BMS1: variants seen among roughly 807,000 people sequenced by gnomAD.
BMS1 encodes ribosome biogenesis protein BMS1 homolog.
Under a neutral mutation model 138.7 loss-of-function variants are expected in BMS1, and 53 were observed. The observed-to-expected ratio is 0.38, with a 90% CI of 0.31 to 0.48. The LOEUF (loss-of-function observed/expected upper bound fraction) is 0.48, where lower values mean the gene tolerates loss of function less well. Among genes scored for constraint, BMS1 ranks in the 20% least tolerant of loss-of-function variants. The pLI is 0.97. For synonymous variants in BMS1, 504 were observed against 539.9 expected (o/e 0.93, Z 0.92); for missense variants, 1,360 against 1,565.5 (o/e 0.87, Z 2.22).
chr10:42,798,326 T>C, intron 11 of BMS1, 142 bp from the exon 12 acceptor site: 3 of 972,850 alleles, frequency 3.1e-6, no homozygotes, highest in Non-Finnish European at 3.0e-6. Flanking sequence ...GCCTAACTCT[T>C]ATGTGGCCAT....
rs1430619830 is a variant in BMS1, at chr10:42,784,403, T to C, written c.9T>C (p.Ala3=). 6.2e-7 allele frequency: 1 copy of C among 1,606,004 alleles called. No individual in the cohort carries two copies. Among genetic ancestry groups the C allele is most frequent in the African/African-American group, 1.3e-5 (1 of 74,690 alleles). The change falls in exon 2 of 23, where the codon GCT becomes GCC. Residue 3 remains alanine, a synonymous_variant. Transcript: ENST00000374518. ...ATTGGTAAATAGCCACTATGGAGGC[T>C]AAGGACCAGAAGAAACACAGAAAGA... ME[A]KDQKKHRKKN...
chr10:42,799,339 G>C (rs974232419), intron 12 of BMS1, among the ~76,000 whole-genome samples: 11 of 152,160 alleles, frequency 7.2e-5, no homozygotes, highest in Non-Finnish European at 1.5e-4. Flanking sequence ...CTCTGGGTTC[G>C]AATGATCTTC....
intron 15 of BMS1, among the ~76,000 whole-genome samples, chr10:42,817,839 C>G (rs1842393171): frequency 1.3e-5 from 2 of 152,336 alleles, no homozygotes; most frequent in African/African-American, 4.8e-5. Flanking sequence ...GCGGCCTATT[C>G]CAATCGCTGC....
At chr10:42,801,920 T>C (rs1032471417) in intron 12 of BMS1, among the ~76,000 whole-genome samples, 1 of 152,216 alleles carries the variant, frequency 6.6e-6, no homozygotes, top group East Asian at 1.9e-4. Context: ...AGAGTAGTAG[T>C]ATTTAATACT....
At chr10:42,816,266 T>C (rs1842344727) in intron 13 of BMS1, among the ~76,000 whole-genome samples, 1 of 152,134 alleles carries the variant, frequency 6.6e-6, no homozygotes, top group African/African-American at 2.4e-5. Context: ...GCCACTGCAC[T>C]CCAGCTTGGG....
intron 15 of BMS1, 118 bp from the exon 16 acceptor site, chr10:42,820,118 A>C (rs1432958068): frequency 7.6e-7 from 1 of 1,312,592 alleles, no homozygotes; most frequent in African/African-American, 1.5e-5. Flanking sequence ...TAATAGGGTA[A>C]AGCCTACATA....
chr10:42,817,124 G>A (rs1842372074), intron 14 of BMS1, among the ~76,000 whole-genome samples, 194 bp from the exon 15 acceptor site: 1 of 152,202 alleles, frequency 6.6e-6, no homozygotes, highest in African/African-American at 2.4e-5. Context: ...TAATTGTAAT[G>A]CAGATGTAAC....
intron 11 of BMS1, 130 bp downstream of exon 11, chr10:42,797,653 A>G: frequency 1.2e-6 from 1 of 843,784 alleles, no homozygotes; most frequent in South Asian, 1.6e-5. Flanking sequence ...CATATTTGAC[A>G]GATGTCTCTA....
intron 13 of BMS1, among the ~76,000 whole-genome samples, chr10:42,812,135 T>G (rs1213947918): frequency 6.6e-6 from 1 of 152,206 alleles, no homozygotes; most frequent in Non-Finnish European, 1.5e-5. Context: ...GGCTCACTGT[T>G]CAGATCTTTT....
intron 11 of BMS1, 123 bp from the exon 12 acceptor site, chr10:42,798,345 C>G (rs778746119): frequency 6.6e-5 from 81 of 1,223,120 alleles, no homozygotes; most frequent in Non-Finnish European, 9.2e-5. Context: ...ATTGCCATAC[C>G]CACCACAGAC....
At position 42,793,863 on chromosome 10, in the gene BMS1, G is replaced by A; in HGVS notation, c.1101G>A (p.Gly367=). The A allele has an allele frequency of 6.2e-7, 1 of 1,611,366 alleles. No individual in the cohort carries two copies. The highest frequency in any genetic ancestry group is 1.1e-5 in the South Asian group (1 of 90,878). Residue 367 remains glycine (G), a synonymous_variant, in exon 9 of 23, where the codon GGG becomes GGA. Coordinates refer to ENST00000374518, the MANE Select transcript of BMS1 (RefSeq NM_014753.4). ...GGSHVFQDEV[G]PTHELVQSLI... is the part of the protein sequence containing the mutation. The stretch of plus-strand genomic sequence containing the variant: ...GGTGGTCTTGACAGGATGAAGTGGG[G>A]CCCACCCATGAGCTGGTCCAGAGTC...
intron 21 of BMS1, among the ~76,000 whole-genome samples, chr10:42,827,675 G>T (rs919311709): frequency 6.6e-6 from 1 of 152,148 alleles, no homozygotes; most frequent in Non-Finnish European, 1.5e-5. Context: ...GTGGGGGGCA[G>T]ATATTTCCTT....
intron 3 of BMS1, among the ~76,000 whole-genome samples, chr10:42,786,773 T>C (rs1255192063): frequency 6.6e-6 from 1 of 152,144 alleles, no homozygotes; most frequent in East Asian, 1.9e-4. Context: ...GAAGTAATTA[T>C]TGTTATGAAT....
chr10:42,830,542 G>T, intron 22 of BMS1, 120 bp downstream of exon 22: 1 of 1,335,412 alleles, frequency 7.5e-7, no homozygotes. Flanking sequence ...TAAAGTCAGA[G>T]GAAGAGCCAG....
chr10:42,811,947 C>T (rs1691314634), intron 13 of BMS1, among the ~76,000 whole-genome samples: 1 of 152,218 alleles, frequency 6.6e-6, no homozygotes. Context: ...TTATAGATTT[C>T]TAGCTTGATT....
At position 42,831,254 on chromosome 10, in the gene BMS1, T is replaced by A; in HGVS notation, c.*158T>A. On this transcript the variant is annotated 3_prime_UTR_variant, in exon 23 of 23. Transcript: ENST00000374518. ...GGAGGAGGAACAGAGAAGCCTGGGC[T>A]GCTGGGACTGGGTTCATTCTCATGA... The A allele has an allele frequency of 1.3e-6, 1 of 764,374 alleles. No individual in the cohort carries two copies. The highest frequency in any genetic ancestry group is 2.9e-5 in the Admixed American group (1 of 34,036). The allele number at this position is 764,374 out of a possible 1,614,324, so 47.3% of individuals were successfully genotyped here. A position where few individuals can be genotyped will look rare whatever the true frequency, so the allele number is the denominator to read the frequency against.
intron 11 of BMS1, among the ~76,000 whole-genome samples, chr10:42,798,111 T>C (rs1841746575): frequency 6.6e-6 from 1 of 152,244 alleles, no homozygotes; most frequent in Non-Finnish European, 1.5e-5. Flanking sequence ...GTCTAGGTAC[T>C]CTTAGTGATG....
Position 42,797,433 on chromosome 10 carries a change from T to C in BMS1, c.1999T>C (p.Trp667Arg), listed in dbSNP as rs953523531. 1.9e-5 allele frequency: 31 copies of C among 1,614,076 alleles called. No homozygotes were observed. Among genetic ancestry groups the C allele is most frequent in the Non-Finnish European group, 2.4e-5 (28 of 1,180,032 alleles). ...ATTGGTCGTTTCAGGTGCCCTCAAG[T>C]GGAAGGAAGACCTTTCCAGAAAGGC... Reference protein sequence around the residue: ...DSKETSGALKWKEDLSRKAAE... With the variant: ...DSKETSGALKRKEDLSRKAAE... The change falls in exon 11 of 23, where the codon TGG (tryptophan) becomes CGG (arginine). Residue 667 changes from tryptophan (W) to arginine (R), a missense_variant. This residue lies in a region of BMS1 where 697 missense variants were observed against 686.2 expected (regional missense o/e 1.02). Coordinates refer to ENST00000374518, the MANE Select transcript of BMS1 (RefSeq NM_014753.4).
At chr10:42,814,875 G>T (rs1354261679) in intron 13 of BMS1, among the ~76,000 whole-genome samples, 1 of 152,084 alleles carries the variant, frequency 6.6e-6, no homozygotes, top group Admixed American at 6.5e-5. Context: ...GATTTCCTTT[G>T]ATCTGGGGGG....
Sources: gnomAD v4.1 joint callset for allele counts (sites outside exome capture counted in the v4.1 genomes callset) on GRCh38, gnomAD v4.1.1 for gene constraint, gnomAD v4.1.1 regional missense constraint, MANE v1.5 for transcripts, NCBI Gene and HGNC (gene_info 2026-07-23, HGNC 2026-07-21) for gene names.